MED10: variants seen among roughly 807,000 people sequenced by gnomAD.
MED10 encodes the protein mediator of RNA polymerase II transcription subunit 10.
MED10 carries 9 observed loss-of-function variants against 17.2 expected under a neutral mutation model. The observed-to-expected ratio is 0.52, with a 90% CI of 0.31 to 0.91. The LOEUF (loss-of-function observed/expected upper bound fraction) is 0.91, where lower values mean the gene tolerates loss of function less well. Ranked by LOEUF, MED10 falls within the 40% of genes least tolerant of loss-of-function variation. The pLI, the probability that MED10 is intolerant of heterozygous loss-of-function variation, is 0.04. For synonymous variants in MED10, 66 were observed against 59.8 expected (o/e 1.10, Z -0.48); for missense variants, 129 against 164.8 (o/e 0.78, Z 1.19).
rs539143839 is a variant in MED10, at chr5:6,375,938, T to C, written c.206+1228A>G. Among the ~76,000 whole-genome samples, 3 of 152,358 alleles carry C rather than the reference T, an allele frequency of 2.0e-5. No homozygotes were observed. In the South Asian group the frequency reaches 6.2e-4, roughly 32 times the overall value. The stretch of plus-strand genomic sequence containing the variant: ...CAGTCTGTTCACATCAGTCTCCATT[T>C]GTTCTGCTTCAGAAGACACAAGTAG... On this transcript the variant is annotated intron_variant, in intron 2 of 3. Transcript: ENST00000255764.
rs1378434316 is a variant in MED10, at chr5:6,372,290, G to C, written c.*213C>G. On this transcript the variant is annotated 3_prime_UTR_variant, in exon 4 of 4. Transcript: ENST00000255764. ...GGGGTCAGCACTCTGAAAGCCAGTT[G>C]ACGCCAGACAAGCTGCTGGAACAGC... 1.8e-6 allele frequency: 1 copy of C among 551,012 alleles called. No homozygotes were observed. The highest frequency in any genetic ancestry group is 3.2e-6 in the Non-Finnish European group (1 of 311,064). The allele number at this position is 551,012 out of a possible 1,614,324, so 34.1% of individuals were successfully genotyped here.
intron 2 of MED10, 152 bp from the exon 3 acceptor site, chr5:6,374,578 A>G: frequency 1.6e-6 from 1 of 606,134 alleles, no homozygotes. Context: ...GGGAATTAAT[A>G]TTCCCTCATT....
intron 1 of MED10, 110 bp from the exon 2 acceptor site, chr5:6,377,359 A>C (rs2111437572): frequency 1.5e-6 from 1 of 659,712 alleles, no homozygotes; most frequent in East Asian, 2.9e-5. Flanking sequence ...CGTTCTCCTC[A>C]CAGCTATGCG....
At chr5:6,372,737 T>C in intron 3 of MED10, 136 bp from the exon 4 acceptor site, 1 of 653,574 alleles carries the variant, frequency 1.5e-6, no homozygotes, top group Admixed American at 2.5e-5. Flanking sequence ...AGACTTCCAC[T>C]GATCTCAGAG....
At position 6,377,256 on chromosome 5, in the gene MED10, G is replaced by C; in HGVS notation, c.123-7C>G. The C allele has an allele frequency of 6.2e-7, 1 of 1,605,678 alleles. No homozygotes were observed. The highest frequency in any genetic ancestry group is 8.5e-7 in the Non-Finnish European group (1 of 1,174,872). ...GCCAGTAACAATAAAATTCCTGGGG[G>C]AAAGGCAAACACACAGGCATCTGGT... On this transcript the variant is annotated splice_polypyrimidine_tract_variant and splice_region_variant and intron_variant, in intron 1 of 3. Transcript: ENST00000255764.
chr5:6,377,334 G>T, intron 1 of MED10, 85 bp from the exon 2 acceptor site: 1 of 939,710 alleles, frequency 1.1e-6, no homozygotes. Context: ...AGCCAACCGG[G>T]GCTCCACGCA....
chr5:6,374,243 G>T, intron 3 of MED10, 81 bp downstream of exon 3: 1 of 911,168 alleles, frequency 1.1e-6, no homozygotes, highest in Non-Finnish European at 1.8e-6. Context: ...AGCAAGTATG[G>T]AAAAAAATGA....
In MED10 at chr5:6,374,493, G is replaced by A. The variant is rs991068268; in HGVS notation, c.207-67C>T. 7 of 1,148,330 alleles carry A rather than the reference G, an allele frequency of 6.1e-6. No individual in the cohort carries two copies. The Middle Eastern group carries it at 6.2e-4, about 102-fold the overall frequency. The allele number at this position is 1,148,330 out of a possible 1,614,324, so 71.1% of individuals were successfully genotyped here. Reference sequence around the variant, plus strand: ...CACCTATTCTCACAGCTTTCTGAAAGGTATGGGGGAATAAAGGTTAGGTAT... The same window carrying A: ...CACCTATTCTCACAGCTTTCTGAAAAGTATGGGGGAATAAAGGTTAGGTAT... On this transcript the variant is annotated intron_variant, in intron 2 of 3. Coordinates refer to ENST00000255764, the MANE Select transcript of MED10 (RefSeq NM_032286.3).
intron 2 of MED10, 112 bp from the exon 3 acceptor site, chr5:6,374,538 T>C (rs1737954178): frequency 1.3e-6 from 1 of 743,764 alleles, no homozygotes; most frequent in Admixed American, 1.9e-5. Flanking sequence ...CACACGGCCT[T>C]GTTTAGACAA....
intron 2 of MED10, among the ~76,000 whole-genome samples, chr5:6,376,580 A>C (rs944486247): frequency 6.6e-6 from 1 of 152,240 alleles, no homozygotes; most frequent in Non-Finnish European, 1.5e-5. Flanking sequence ...TGTTCTCAGG[A>C]CTATTACTAA....
At chr5:6,378,060 G>C (rs1413153965) in intron 1 of MED10, among the ~76,000 whole-genome samples, 1 of 152,214 alleles carries the variant, frequency 6.6e-6, no homozygotes, top group Non-Finnish European at 1.5e-5. Flanking sequence ...ACATGAGAGG[G>C]GAGACGCTAG....
chr5:6,375,700 T>G (rs1326913584), intron 2 of MED10, among the ~76,000 whole-genome samples: 1 of 152,156 alleles, frequency 6.6e-6, no homozygotes, highest in Admixed American at 6.5e-5. Context: ...GCTTTCACCT[T>G]AGCTAAAGAC....
chr5:6,372,501 G>C lies in MED10; in HGVS notation c.*2C>G, dbSNP rs1479722419. 1 of 1,613,530 alleles carries C rather than the reference G, an allele frequency of 6.2e-7. No individual in the cohort carries two copies. The highest frequency in any genetic ancestry group is 2.2e-5 in the East Asian group (1 of 44,896). ...GATCTTCACACAGGGAGGGTGAGCT[G>C]GTTAAGAAGGCGGGTGATCCTCCCC... On this transcript the variant is annotated 3_prime_UTR_variant, in exon 4 of 4. Coordinates refer to ENST00000255764, the MANE Select transcript of MED10 (RefSeq NM_032286.3).
At chr5:6,375,087 C>T (rs931538603) in intron 2 of MED10, among the ~76,000 whole-genome samples, 3 of 152,114 alleles carry the variant, frequency 2.0e-5, no homozygotes, top group African/African-American at 7.2e-5. Context: ...ACATTCTGGC[C>T]AATTATTTCT....
chr5:6,374,631 C>G (rs184320795), intron 2 of MED10: 1 of 515,120 alleles, frequency 1.9e-6, no homozygotes, highest in Admixed American at 3.2e-5. Context: ...TCTGATAATA[C>G]GAACAGCTCA....
intron 3 of MED10, among the ~76,000 whole-genome samples, chr5:6,372,911 T>G (rs1737915946): frequency 6.6e-6 from 1 of 152,202 alleles, no homozygotes; most frequent in Admixed American, 6.5e-5. Context: ...TGTGTTCACA[T>G]GGAGAGAGAC....
rs1738045789 is a variant in MED10 at position 6,378,448 on chromosome 5, C to A, written c.36G>T (p.Leu12=). 1.2e-6 allele frequency: 2 copies of A among 1,613,752 alleles called. No homozygotes were observed. The highest frequency in any genetic ancestry group is 4.5e-5 in the East Asian group (2 of 44,868). The change falls in exon 1 of 4, where the codon CTG becomes CTT. Residue 12 remains leucine, a synonymous_variant. Transcript: ENST00000255764. ...AEKFDHLEEH[L]EKFVENIRQL... ...GCCGAATGTTCTCCACGAACTTCTC[C>A]AGGTGCTCCTCTAGGTGGTCAAACT...
At chr5:6,374,591 C>T in intron 2 of MED10, 165 bp from the exon 3 acceptor site, 1 of 585,030 alleles carries the variant, frequency 1.7e-6, no homozygotes, top group Non-Finnish European at 3.1e-6. Flanking sequence ...CCCTCATTTA[C>T]ACAAGTACAG....
chr5:6,373,707 AAC>A (rs1403646979), intron 3 of MED10, among the ~76,000 whole-genome samples: 1 of 152,238 alleles, frequency 6.6e-6, no homozygotes, highest in East Asian at 1.9e-4. Flanking sequence ...TGCACACGGC[AAC>A]AGTCGCATGG....
Sources: allele counts gnomAD v4.1 joint callset (sites outside exome capture counted in the v4.1 genomes callset), GRCh38; gene constraint gnomAD v4.1.1; transcripts MANE v1.5; gene names NCBI Gene and HGNC (gene_info 2026-07-23, HGNC 2026-07-21).